The following STS variants were observed in gnomAD, a reference collection of about 807,000 sequenced individuals.
The protein encoded by STS is steryl-sulfatase.
Under a neutral mutation model 26.8 loss-of-function variants are expected in STS, and 7 were observed. The ratio of observed to expected loss-of-function variants is 0.26; its 90% CI spans 0.15 to 0.49. The LOEUF is 0.49. Ranked by LOEUF, STS falls within the 20% of genes least tolerant of loss-of-function variation. The pLI is 0.98. For missense variants in STS, 434 were observed against 465.6 expected, an observed-to-expected ratio of 0.93 and a Z score of 0.63; for synonymous variants, 199 against 189.4, an observed-to-expected ratio of 1.05 and a Z score of -0.42.
intron 7 of STS, among the ~76,000 whole-genome samples, chrX:7,285,193 A>G (rs1444826416): frequency 9.0e-6 from 1 of 111,425 alleles, no homozygotes; most frequent in Admixed American, 9.6e-5. Flanking sequence ...GCCCAAAGTC[A>G]TGGAGATGGC....
intron 2 of STS, among the ~76,000 whole-genome samples, chrX:7,236,857 T>A (rs2147064726): frequency 1.1e-5 from 1 of 89,925 alleles, no homozygotes; most frequent in Admixed American, 1.4e-4. Context: ...AAGTACATTT[T>A]GTAGATCCAT....
intron 2 of STS, among the ~76,000 whole-genome samples, chrX:7,225,465 G>A (rs183872466): frequency 9.0e-5 from 10 of 111,628 alleles, no homozygotes; most frequent in African/African-American, 1.6e-4. Context: ...GGAGTCACAC[G>A]GGACATACTT....
intron 8 of STS, among the ~76,000 whole-genome samples, chrX:7,314,146 G>A (rs1483232722): frequency 9.0e-6 from 1 of 111,708 alleles, no homozygotes; most frequent in Non-Finnish European, 1.9e-5. Flanking sequence ...CTTGAGCCCA[G>A]GAGTTCGAGA....
rs1442502169 is a variant in STS, at chrX:7,319,984, ATATT to A, written c.1082-5351_1082-5348del. Among the ~76,000 whole-genome samples, 140 of 90,368 alleles carry A rather than the reference ATATT, an allele frequency of 1.5e-3. 1 individual carries two copies. Among genetic ancestry groups the A allele is most frequent in the African/African-American group, 6.2e-3 (138 of 22,350 alleles). The allele number at this position is 90,368 out of a possible 115,157, so 78.5% of individuals were successfully genotyped here. On this transcript the variant is annotated intron_variant, in intron 8 of 10. Transcript: ENST00000674429. ...ATATATATTTTATATATATGTATAT[ATATT>A]TATATATATATTTTTATATATATAT...
At chrX:7,320,240 A>G (rs1476143511) in intron 8 of STS, among the ~76,000 whole-genome samples, 1 of 104,788 alleles carries the variant, frequency 9.5e-6, no homozygotes, top group Non-Finnish European at 1.9e-5. Context: ...TTACAAAGGT[A>G]GTACAGAGGT....
chrX:7,327,687 G>A (rs1420879695), intron 9 of STS, among the ~76,000 whole-genome samples: 1 of 111,259 alleles, frequency 9.0e-6, no homozygotes, highest in African/African-American at 3.3e-5. Flanking sequence ...GCCCAGCTGA[G>A]TTCATATTCT....
chrX:7,334,256 C>T, intron 10 of STS, 149 bp downstream of exon 10: 1 of 811,586 alleles, frequency 1.2e-6, no homozygotes, highest in Non-Finnish European at 1.8e-6. Context: ...GTCCTCTTTT[C>T]CCTCCTCCTC....
intron 2 of STS, among the ~76,000 whole-genome samples, chrX:7,210,952 A>T (rs771269645): frequency 9.0e-6 from 1 of 111,080 alleles, no homozygotes; most frequent in South Asian, 3.8e-4. Context: ...TGGCTAAATG[A>T]AGCTACTTAG....
intron 6 of STS, among the ~76,000 whole-genome samples, chrX:7,272,217 C>CATACATATATATATATAT (rs1924308510): frequency 1.1e-5 from 1 of 94,048 alleles, no homozygotes; most frequent in Non-Finnish European, 2.1e-5. Context: ...AATTTAATTA[C>CATACATATATATATATAT]ATATATATAT....
At chrX:7,327,663 G>A (rs1927545915) in intron 9 of STS, among the ~76,000 whole-genome samples, 1 of 111,277 alleles carries the variant, frequency 9.0e-6, no homozygotes, top group South Asian at 3.8e-4. Flanking sequence ...GGGATTACAG[G>A]CTTGAGCCAC....
chrX:7,185,692 G>T (rs1569183542), intron 1 of STS, among the ~76,000 whole-genome samples: 1 of 112,390 alleles, frequency 8.9e-6, no homozygotes, highest in African/African-American at 3.2e-5. Context: ...TCTGAAGGAG[G>T]GAGGACACTT....
intron 3 of STS, among the ~76,000 whole-genome samples, chrX:7,254,523 A>G (rs1358215734): frequency 1.8e-5 from 2 of 108,156 alleles, no homozygotes; most frequent in Non-Finnish European, 3.8e-5. Context: ...GGAGAGGATG[A>G]GGAAAGAGAT....
chrX:7,218,922 G>T (rs1921423583), intron 2 of STS, among the ~76,000 whole-genome samples: 1 of 110,863 alleles, frequency 9.0e-6, no homozygotes, highest in Admixed American at 9.6e-5. Context: ...ATATGTTGTG[G>T]TTATAAGATC....
rs1933861074 is a variant in STS, at chrX:7,190,947, T to A, written c.-66T>A. 9.3e-6 allele frequency: 7 copies of A among 752,035 alleles called. No individual in the cohort carries two copies. The highest frequency in any genetic ancestry group is 1.1e-5 in the Non-Finnish European group (7 of 637,620). 62.0% of individuals were successfully genotyped at this position (752,035 alleles called of 1,213,427 possible). On this transcript the variant is annotated 5_prime_UTR_variant, in exon 2 of 11. Coordinates refer to ENST00000674429, the MANE Select transcript of STS (RefSeq NM_001320752.2). ...CAGTTGCTGAACCTGCACACAGTCA[T>A]CTCAGTAAGTTAAGATCTTCCTGAG...
At chrX:7,233,392 T>G (rs1922166959) in intron 2 of STS, among the ~76,000 whole-genome samples, 1 of 111,826 alleles carries the variant, frequency 8.9e-6, no homozygotes. Context: ...TGGACTAATA[T>G]AGCAGGTCTT....
In STS at chrX:7,152,736, C is replaced by T. The variant is rs573876653; in HGVS notation, c.-134+4653C>T. ...TGCTCTCAACCATTTTATTTGATTT[C>T]AGCATAATGCAATGTACATATTAAG... On this transcript the variant is annotated intron_variant, in intron 1 of 10. Coordinates refer to ENST00000674429, the MANE Select transcript of STS (RefSeq NM_001320752.2). Among the ~76,000 whole-genome samples, 84 of 112,694 alleles carry T rather than the reference C, an allele frequency of 7.5e-4. No homozygotes were observed. The South Asian group carries it at 0.013, about 17-fold the overall frequency.
At chrX:7,298,286 T>C (rs1042849970) in intron 7 of STS, among the ~76,000 whole-genome samples, 2 of 111,827 alleles carry the variant, frequency 1.8e-5, no homozygotes, top group African/African-American at 6.5e-5. Flanking sequence ...TTTTCTTTTA[T>C]GTGTAAACTT....
At chrX:7,314,523 TGGGA>T (rs1926625665) in intron 8 of STS, among the ~76,000 whole-genome samples, 1 of 112,670 alleles carries the variant, frequency 8.9e-6, no homozygotes, top group Non-Finnish European at 1.9e-5. Flanking sequence ...TTGGAATGAT[TGGGA>T]CTGTCCACTT....
chrX:7,317,862 A>C (rs1279342256), intron 8 of STS, among the ~76,000 whole-genome samples: 2 of 111,479 alleles, frequency 1.8e-5, no homozygotes, highest in Non-Finnish European at 3.8e-5. Context: ...GTTGGCATAC[A>C]ATCAGAGTTC....
Sources: allele counts gnomAD v4.1 joint callset (sites outside exome capture counted in the v4.1 genomes callset), GRCh38; gene constraint gnomAD v4.1.1; transcripts MANE v1.5; gene names NCBI Gene and HGNC (gene_info 2026-07-23, HGNC 2026-07-21).